MITF: variants seen among roughly 807,000 people sequenced by gnomAD.
The protein encoded by MITF is melanocyte inducing transcription factor, also known as microphthalmia-associated transcription factor.
A neutral mutation model predicts 60.5 loss-of-function variants in MITF; 17 were observed. That is an observed-to-expected ratio of 0.28 (90% CI 0.19 to 0.42). MITF has a LOEUF of 0.42. Ranked by LOEUF, MITF falls within the 10% of genes least tolerant of loss-of-function variation. MITF has a pLI of 1.00. For synonymous variants in MITF, 260 were observed against 248.5 expected (o/e 1.05, Z -0.43); for missense variants, 622 against 683.5 (o/e 0.91, Z 1.00).
At chr3:69,768,780 C>G (rs550429760) in intron 1 of MITF, among the ~76,000 whole-genome samples, 1 of 152,306 alleles carries the variant, frequency 6.6e-6, no homozygotes, top group East Asian at 1.9e-4. Flanking sequence ...AACCCAGAAT[C>G]ATTTATAATA....
chr3:69,815,771 AT>A (rs1395121148), intron 1 of MITF, among the ~76,000 whole-genome samples: 2 of 152,120 alleles, frequency 1.3e-5, no homozygotes, highest in African/African-American at 4.8e-5. Flanking sequence ...ATTTTATTGA[AT>A]GCTAGTCATT....
intron 2 of MITF, among the ~76,000 whole-genome samples, chr3:69,924,549 A>C (rs1405430317): frequency 3.3e-5 from 5 of 152,248 alleles, no homozygotes; most frequent in Non-Finnish European, 4.4e-5. Context: ...AGCAGAGTGA[A>C]TAATAGAATG....
At chr3:69,910,650 A>T (rs936167385) in intron 2 of MITF, among the ~76,000 whole-genome samples, 1 of 152,192 alleles carries the variant, frequency 6.6e-6, no homozygotes, top group South Asian at 2.1e-4. Flanking sequence ...GTCAAAGGAA[A>T]TCATTTTGGA....
intron 1 of MITF, chr3:69,866,362 T>C: frequency 6.2e-7 from 1 of 1,613,686 alleles, no homozygotes. Flanking sequence ...TGAAGTTTTA[T>C]TCTGGAAATA....
chr3:69,922,089 C>G (rs2065479792), intron 2 of MITF, among the ~76,000 whole-genome samples: 1 of 152,242 alleles, frequency 6.6e-6, no homozygotes, highest in Non-Finnish European at 1.5e-5. Context: ...GTGTGGGTTA[C>G]TCTCCCTGTT....
At chr3:69,781,944 C>T (rs143809307) in intron 1 of MITF, among the ~76,000 whole-genome samples, 2 of 152,304 alleles carry the variant, frequency 1.3e-5, no homozygotes, top group East Asian at 1.9e-4. Context: ...TTGCCTGTCT[C>T]GTTGATGAGT....
At chr3:69,890,793 G>T (rs1157942738) in intron 2 of MITF, among the ~76,000 whole-genome samples, 1 of 152,068 alleles carries the variant, frequency 6.6e-6, no homozygotes, top group African/African-American at 2.4e-5. Flanking sequence ...TTTATATTTT[G>T]TTAGTCACCT....
chr3:69,793,971 ACAT>A (rs2062786833), intron 1 of MITF, among the ~76,000 whole-genome samples: 1 of 152,196 alleles, frequency 6.6e-6, no homozygotes, highest in Non-Finnish European at 1.5e-5. Flanking sequence ...TTTGCGTCTG[ACAT>A]CATTTTCTTC....
At chr3:69,798,415 T>G (rs1456365483) in intron 1 of MITF, among the ~76,000 whole-genome samples, 1 of 152,220 alleles carries the variant, frequency 6.6e-6, no homozygotes, top group Non-Finnish European at 1.5e-5. Context: ...ATACTATTTA[T>G]CATTCAGAGT....
intron 1 of MITF, among the ~76,000 whole-genome samples, chr3:69,857,999 A>G (rs1405614224): frequency 2.6e-5 from 4 of 152,146 alleles, no homozygotes; most frequent in Non-Finnish European, 5.9e-5. Context: ...CTGGCAGGTA[A>G]TTAATATGTA....
At chr3:69,749,814 A>G (rs1417617794) in intron 1 of MITF, among the ~76,000 whole-genome samples, 1 of 152,296 alleles carries the variant, frequency 6.6e-6, no homozygotes, top group South Asian at 2.1e-4. Flanking sequence ...TGCATCTTGT[A>G]TCATCTCAGC....
chr3:69,941,106 A>G (rs2065958181), intron 4 of MITF, 130 bp from the exon 5 acceptor site: 1 of 640,706 alleles, frequency 1.6e-6, no homozygotes, highest in East Asian at 2.8e-5. Flanking sequence ...TGGAAAGAGG[A>G]CAGTTACTTC....
At chr3:69,834,851 T>C (rs563607724) in intron 1 of MITF, among the ~76,000 whole-genome samples, 1 of 150,480 alleles carries the variant, frequency 6.6e-6, no homozygotes, top group African/African-American at 2.4e-5. Context: ...CTTTTCTTTT[T>C]TTTTTTTTTT....
chr3:69,941,195 T>G, intron 4 of MITF, 41 bp from the exon 5 acceptor site: 1 of 1,335,118 alleles, frequency 7.5e-7, no homozygotes, highest in African/African-American at 1.4e-5. Context: ...TTGCATAGTT[T>G]ATTTATTTTT....
At chr3:69,956,128 A>G (rs1184626618) in intron 7 of MITF, among the ~76,000 whole-genome samples, 1 of 152,198 alleles carries the variant, frequency 6.6e-6, no homozygotes, top group Non-Finnish European at 1.5e-5. Flanking sequence ...GGCTTTCACC[A>G]GATATTGTTG....
chr3:69,888,997 G>C (rs140432504), intron 2 of MITF, among the ~76,000 whole-genome samples: 3 of 137,716 alleles, frequency 2.2e-5, no homozygotes, highest in Non-Finnish European at 4.6e-5. Flanking sequence ...CCTTCGTCTG[G>C]TAAGACAGGC....
chr3:69,752,325 A>G (rs975938635), intron 1 of MITF: 1 of 152,260 alleles, frequency 6.6e-6, no homozygotes, highest in African/African-American at 2.4e-5. Flanking sequence ...AGAAGAAGAT[A>G]GGAAGATGAT....
chr3:69,787,900 G>T (rs1303476269), intron 1 of MITF, among the ~76,000 whole-genome samples: 1 of 152,170 alleles, frequency 6.6e-6, no homozygotes, highest in Non-Finnish European at 1.5e-5. Context: ...GTTACTGAGT[G>T]CTGACTGTGT....
intron 1 of MITF, among the ~76,000 whole-genome samples, chr3:69,867,466 GTTTGT>G (rs1454453857): frequency 3.3e-5 from 5 of 152,050 alleles, no homozygotes; most frequent in Admixed American, 1.3e-4. Context: ...TTCTGCTGCA[GTTTGT>G]TTTAACAGAT....
Sources: allele counts gnomAD v4.1 joint callset (sites outside exome capture counted in the v4.1 genomes callset), GRCh38; gene constraint gnomAD v4.1.1; transcripts MANE v1.5; gene names NCBI Gene and HGNC (gene_info 2026-07-23, HGNC 2026-07-21).